The following EPB41L5 variants were observed in gnomAD, a reference collection of about 807,000 sequenced individuals.
EPB41L5 encodes band 4.1-like protein 5.
EPB41L5 carries 55 observed loss-of-function variants against 106.6 expected under a neutral mutation model. The observed-to-expected ratio is 0.52, with a 90% confidence interval of 0.42 to 0.65. The LOEUF (loss-of-function observed/expected upper bound fraction) is 0.65, where lower values mean the gene tolerates loss of function less well. Among genes scored for constraint, EPB41L5 ranks in the 30% least tolerant of loss-of-function variants. EPB41L5 has a pLI of 0.00. For missense variants in EPB41L5, 871 were observed against 882.1 expected (o/e 0.99, Z 0.16); for synonymous variants, 297 against 306.7 (o/e 0.97, Z 0.33).
chr2:120,155,165 TTAGCATTTTATGTAAGGAA>T (rs909554174), intron 20 of EPB41L5, among the ~76,000 whole-genome samples: 13 of 152,224 alleles, frequency 8.5e-5, no homozygotes, highest in Non-Finnish European at 1.5e-4. Context: ...AAGATTCCCT[TTAGCATTTTATGTAAGGAA>T]TATCTACCTG....
At chr2:120,035,188 C>T (rs1678966769) in intron 2 of EPB41L5, among the ~76,000 whole-genome samples, 1 of 152,144 alleles carries the variant, frequency 6.6e-6, no homozygotes. Context: ...TTACCTTGTT[C>T]TGTATAACCT....
At chr2:120,062,780 A>G (rs1681171422) in intron 3 of EPB41L5, among the ~76,000 whole-genome samples, 1 of 152,200 alleles carries the variant, frequency 6.6e-6, no homozygotes, top group South Asian at 2.1e-4. Flanking sequence ...ATCTCCTGTG[A>G]AGAATAAAAG....
chr2:120,103,641 A>G (rs1684276489), intron 16 of EPB41L5, among the ~76,000 whole-genome samples: 1 of 152,130 alleles, frequency 6.6e-6, no homozygotes, highest in Non-Finnish European at 1.5e-5. Flanking sequence ...TTTTCCATAT[A>G]TGCTTTTGTC....
chr2:120,019,511 T>C (rs946486352), intron 2 of EPB41L5, among the ~76,000 whole-genome samples: 11 of 152,212 alleles, frequency 7.2e-5, no homozygotes, highest in African/African-American at 2.2e-4. Flanking sequence ...AGGGCAGTTA[T>C]TGGCATGAGT....
At chr2:120,067,833 C>T (rs1432639287) in intron 3 of EPB41L5, among the ~76,000 whole-genome samples, 2 of 151,852 alleles carry the variant, frequency 1.3e-5, no homozygotes, top group African/African-American at 2.4e-5. Context: ...ATGAATCAGG[C>T]ACTGGAATAT....
intron 16 of EPB41L5, among the ~76,000 whole-genome samples, chr2:120,111,735 G>A (rs1353692963): frequency 6.6e-6 from 1 of 151,950 alleles, no homozygotes; most frequent in Non-Finnish European, 1.5e-5. Flanking sequence ...TCTACTGTCT[G>A]GTACTCCTTT....
At chr2:120,114,280 C>A (rs1324621082) in intron 16 of EPB41L5, among the ~76,000 whole-genome samples, 4 of 152,060 alleles carry the variant, frequency 2.6e-5, no homozygotes, top group South Asian at 2.1e-4. Flanking sequence ...AACTTAATGG[C>A]TTGACTTAAG....
intron 3 of EPB41L5, among the ~76,000 whole-genome samples, chr2:120,055,305 C>G (rs1474221524): frequency 6.6e-6 from 1 of 151,896 alleles, no homozygotes; most frequent in East Asian, 1.9e-4. Flanking sequence ...ATTCTGAGTC[C>G]CTTGCATTTC....
At chr2:120,046,607 G>A (rs1471051934) in intron 3 of EPB41L5, among the ~76,000 whole-genome samples, 4 of 151,628 alleles carry the variant, frequency 2.6e-5, no homozygotes, top group African/African-American at 4.8e-5. Flanking sequence ...CATTCTGTAG[G>A]TTGCCTGTTC....
At chr2:120,050,107 C>T (rs1443226907) in intron 3 of EPB41L5, among the ~76,000 whole-genome samples, 3 of 152,136 alleles carry the variant, frequency 2.0e-5, no homozygotes, top group Non-Finnish European at 4.4e-5. Flanking sequence ...TTTTTTCCTT[C>T]ATTTCAACTT....
At chr2:120,141,506 A>G (rs1309913436) in intron 18 of EPB41L5, among the ~76,000 whole-genome samples, 1 of 152,124 alleles carries the variant, frequency 6.6e-6, no homozygotes, top group African/African-American at 2.4e-5. Context: ...TCACAGCAGC[A>G]TGTATTTAAA....
chr2:120,059,882 A>G (rs1044600849), intron 3 of EPB41L5, among the ~76,000 whole-genome samples: 3 of 152,238 alleles, frequency 2.0e-5, no homozygotes, highest in Admixed American at 2.0e-4. Context: ...CCGTGTCTCA[A>G]CCAAAAACAA....
At chr2:120,149,118 A>G (rs1301291963) in intron 20 of EPB41L5, among the ~76,000 whole-genome samples, 1 of 151,918 alleles carries the variant, frequency 6.6e-6, no homozygotes, top group African/African-American at 2.4e-5. Flanking sequence ...AGGACTAATG[A>G]TGTTGAACAT....
chr2:120,130,699 A>C (rs1326475581), intron 17 of EPB41L5, among the ~76,000 whole-genome samples: 1 of 152,196 alleles, frequency 6.6e-6, no homozygotes, highest in Non-Finnish European at 1.5e-5. Context: ...ATCCTACCTG[A>C]AAAGATTTTG....
chr2:120,163,145 C>T (rs2917787), intron 21 of EPB41L5, among the ~76,000 whole-genome samples: 3 of 151,766 alleles, frequency 2.0e-5, no homozygotes, highest in African/African-American at 7.3e-5. Flanking sequence ...GTCCTATCTT[C>T]TTGGGCAGCT....
chr2:120,097,545 G>C (rs1229715793), intron 14 of EPB41L5, among the ~76,000 whole-genome samples: 1 of 152,178 alleles, frequency 6.6e-6, no homozygotes, highest in Non-Finnish European at 1.5e-5. Context: ...TGTGAGTCAT[G>C]AATACTATAA....
chr2:120,142,471 AC>A (rs1686217490), intron 18 of EPB41L5, among the ~76,000 whole-genome samples: 1 of 152,152 alleles, frequency 6.6e-6, no homozygotes, highest in Non-Finnish European at 1.5e-5. Context: ...TTCAGCGAGG[AC>A]AGTGGGTGCA....
rs72954742 is a variant in EPB41L5 at position 120,123,360 on chromosome 2, G to A, written c.1338-4328G>A. 6.0e-4 allele frequency among the ~76,000 whole-genome samples: 91 copies of A among 151,318 alleles called. 1 individual carries two copies. Among genetic ancestry groups the A allele is most frequent in the African/African-American group, 2.2e-3 (90 of 41,174 alleles). On this transcript the variant is annotated intron_variant, in intron 16 of 24. Transcript: ENST00000263713. ...TGTTTTCACTCTCAGCCCTTCACGT[G>A]CCCCCTCGCTTGAGCCACACTGCAT...
At position 120,077,032 on chromosome 2, in the gene EPB41L5, C is replaced by T. The variant is rs772402705; in HGVS notation, c.567C>T (p.Phe189=). The T allele has an allele frequency of 8.7e-6, 14 of 1,612,676 alleles. No homozygotes were observed. The highest frequency in any genetic ancestry group is 4.0e-5 in the African/African-American group (3 of 74,862). The change falls in exon 8 of 25, where the codon TTC becomes TTT. Residue 189 remains phenylalanine (F), a synonymous_variant. Coordinates refer to ENST00000263713, the MANE Select transcript of EPB41L5 (RefSeq NM_020909.4). ...CTGAACTTGTCTCAGAGTTCAGATT[C>T]GTGCCTATTCAGACTGAAGAGATGG... The part of the protein sequence containing the change: ...HSPELVSEFR[F]VPIQTEEMEL...
Sources: allele counts gnomAD v4.1 joint callset (sites outside exome capture counted in the v4.1 genomes callset), GRCh38; gene constraint gnomAD v4.1.1; transcripts MANE v1.5; gene names NCBI Gene and HGNC (gene_info 2026-07-23, HGNC 2026-07-21).